PI4KA: variants seen among roughly 807,000 people sequenced by gnomAD.
PI4KA encodes the protein PI4-kinase alpha.
PI4KA carries 122 observed loss-of-function variants against 271.4 expected under a neutral mutation model. That is an observed-to-expected ratio of 0.45 (90% CI 0.39 to 0.52). The LOEUF (loss-of-function observed/expected upper bound fraction) is 0.52. Ranked by LOEUF, PI4KA falls within the 20% of genes least tolerant of loss-of-function variation. PI4KA has a pLI of 0.00. For missense variants in PI4KA, 1,969 were observed against 2,769.1 expected, an observed-to-expected ratio of 0.71 and a Z score of 6.48; for synonymous variants, 1,041 against 1,078.8, an observed-to-expected ratio of 0.96 and a Z score of 0.69.
intron 3 of PI4KA, among the ~76,000 whole-genome samples, chr22:20,830,186 T>A (rs1386479276): frequency 1.3e-5 from 2 of 152,192 alleles, no homozygotes; most frequent in African/African-American, 4.8e-5. Context: ...ATCCTGAATA[T>A]CTTTAACAGT....
Position 20,727,870 on chromosome 22 carries a change from G to A in PI4KA, c.4683-6C>T. 1 of 1,611,668 alleles carries A rather than the reference G, an allele frequency of 6.2e-7. No individual in the cohort carries two copies. Among genetic ancestry groups the A allele is most frequent in the East Asian group, 2.2e-5 (1 of 44,866 alleles). ...TGGCTTCTGTGTTCTTAAACCTACA[G>A]TGCACAGAGGGTATGGGTGGTGCTG... On this transcript the variant is annotated splice_region_variant and splice_polypyrimidine_tract_variant and intron_variant, in intron 39 of 54. Coordinates refer to ENST00000255882, the MANE Select transcript of PI4KA (RefSeq NM_058004.4).
chr22:20,764,635 G>A (rs1462920665), intron 22 of PI4KA, 182 bp downstream of exon 22: 7 of 558,624 alleles, frequency 1.3e-5, no homozygotes, highest in Non-Finnish European at 2.2e-5. Flanking sequence ...TACTATACGT[G>A]GTGTCTGGTG....
intron 25 of PI4KA, 131 bp downstream of exon 25, chr22:20,752,772 C>T: frequency 1.1e-6 from 1 of 911,278 alleles, no homozygotes; most frequent in Non-Finnish European, 1.7e-6. Context: ...GAGGCTGCAT[C>T]ACCCTTAGGA....
At chr22:20,852,880 T>C (rs1927162814) in intron 1 of PI4KA, among the ~76,000 whole-genome samples, 1 of 152,196 alleles carries the variant, frequency 6.6e-6, no homozygotes, top group Non-Finnish European at 1.5e-5. Context: ...TTAACTCATC[T>C]TATGGAGCAC....
intron 19 of PI4KA, chr22:20,779,165 TA>T: frequency 6.5e-7 from 1 of 1,549,054 alleles, no homozygotes. Context: ...TCCATGATCC[TA>T]AAACAGTTAA....
chr22:20,730,173 T>G (rs951181888), intron 36 of PI4KA, among the ~76,000 whole-genome samples, 162 bp from the exon 37 acceptor site: 1 of 152,134 alleles, frequency 6.6e-6, no homozygotes, highest in Non-Finnish European at 1.5e-5. Flanking sequence ...GGATGGTGGG[T>G]TTTCCAAAAG....
intron 3 of PI4KA, among the ~76,000 whole-genome samples, chr22:20,832,121 T>TC (rs1035222242): frequency 4.7e-5 from 7 of 150,470 alleles, no homozygotes; most frequent in Non-Finnish European, 7.4e-5. Context: ...AAATTCTTTT[T>TC]TTTTTTTTTT....
intron 13 of PI4KA, among the ~76,000 whole-genome samples, chr22:20,802,990 G>A (rs1935415102): frequency 6.6e-6 from 1 of 152,176 alleles, no homozygotes; most frequent in Non-Finnish European, 1.5e-5. Flanking sequence ...ACTTGAAGGG[G>A]CCTTTGGTGT....
intron 7 of PI4KA, among the ~76,000 whole-genome samples, chr22:20,817,021 T>C (rs1004486104): frequency 6.6e-6 from 1 of 152,176 alleles, no homozygotes; most frequent in Non-Finnish European, 1.5e-5. Context: ...GAGGAATACA[T>C]TCTATACTTA....
intron 19 of PI4KA, among the ~76,000 whole-genome samples, chr22:20,774,431 T>C (rs1933080526): frequency 6.6e-6 from 1 of 152,202 alleles, no homozygotes; most frequent in Non-Finnish European, 1.5e-5. Flanking sequence ...TATGAGAATA[T>C]CCTTGCTCTT....
At chr22:20,825,411 A>G (rs1303691968) in intron 3 of PI4KA, among the ~76,000 whole-genome samples, 2 of 152,160 alleles carry the variant, frequency 1.3e-5, no homozygotes, top group African/African-American at 4.8e-5. Flanking sequence ...CCCAGCCAAC[A>G]TGGCAAAATA....
Position 20,829,947 on chromosome 22 carries a change from T to G in PI4KA, c.367+4615A>C, listed in dbSNP as rs537748555. Among the ~76,000 whole-genome samples the G allele has an allele frequency of 5.3e-5, 8 of 152,364 alleles. No individual in the cohort carries two copies. The East Asian group carries it at 1.5e-3, about 29-fold the overall frequency. Reference sequence around the variant, plus strand: ...AGGAGCAGGTTATTTAATTTTCATGTAATTATATGCTTTCAGTGATTTTCT... The same window carrying G: ...AGGAGCAGGTTATTTAATTTTCATGGAATTATATGCTTTCAGTGATTTTCT... On this transcript the variant is annotated intron_variant, in intron 3 of 54. Coordinates refer to ENST00000255882, the MANE Select transcript of PI4KA (RefSeq NM_058004.4).
chr22:20,838,760 C>A (rs1302309778), intron 1 of PI4KA, 29 bp from the exon 2 acceptor site: 1 of 1,320,532 alleles, frequency 7.6e-7, no homozygotes, highest in East Asian at 2.3e-5. Context: ...CCAAAAACAG[C>A]TCTACAAAAT....
At chr22:20,790,403 G>A (rs1446367553) in intron 19 of PI4KA, among the ~76,000 whole-genome samples, 2 of 152,176 alleles carry the variant, frequency 1.3e-5, no homozygotes, top group African/African-American at 4.8e-5. Context: ...GCTCACACCT[G>A]TAATCCCAGC....
chr22:20,790,686 T>A (rs1422309526), intron 19 of PI4KA, among the ~76,000 whole-genome samples: 4 of 120,442 alleles, frequency 3.3e-5, no homozygotes, highest in African/African-American at 6.6e-5. Flanking sequence ...AATAAAAAAA[T>A]TTAAAAAAAA....
intron 3 of PI4KA, among the ~76,000 whole-genome samples, chr22:20,830,487 CATTTGCT>C (rs1316218949): frequency 7.9e-5 from 12 of 152,114 alleles, no homozygotes; most frequent in South Asian, 6.2e-4. Context: ...TTCCATTTTC[CATTTGCT>C]TGGCAGATTT....
intron 50 of PI4KA, among the ~76,000 whole-genome samples, chr22:20,711,670 C>T (rs1042348049): frequency 6.6e-6 from 1 of 152,172 alleles, no homozygotes; most frequent in Non-Finnish European, 1.5e-5. Flanking sequence ...CTTCCTCCCA[C>T]ACTCAGAACT....
intron 42 of PI4KA, chr22:20,726,173 G>A (rs1226479216): frequency 1.0e-5 from 3 of 296,966 alleles, no homozygotes; most frequent in African/African-American, 2.2e-5. Flanking sequence ...GGCTGAAGAG[G>A]GCAGGATTCA....
In PI4KA at chr22:20,847,975, C is replaced by T. The variant is rs534026756; in HGVS notation, c.157-9244G>A. Among the ~76,000 whole-genome samples, 7 of 152,250 alleles carry T rather than the reference C, an allele frequency of 4.6e-5. No homozygotes were observed. The South Asian group carries it at 1.0e-3, about 23-fold the overall frequency. On this transcript the variant is annotated intron_variant, in intron 1 of 54. Coordinates refer to ENST00000255882, the MANE Select transcript of PI4KA (RefSeq NM_058004.4). ...AATACAGGCCGAGCACAGTGGCTCA[C>T]GCCTATAATCCCAGAACTTTGAGGG...
Sources: allele counts gnomAD v4.1 joint callset (sites outside exome capture counted in the v4.1 genomes callset), GRCh38; gene constraint gnomAD v4.1.1; transcripts MANE v1.5; gene names NCBI Gene and HGNC (gene_info 2026-07-23, HGNC 2026-07-21).